The following CSMD1 variants were observed in gnomAD, a reference collection of about 807,000 sequenced individuals.
CSMD1 encodes CUB and Sushi multiple domains 1.
Under a neutral mutation model 417.5 loss-of-function variants are expected in CSMD1, and 213 were observed. The observed-to-expected ratio is 0.51, with a 90% CI of 0.46 to 0.57. CSMD1 has a LOEUF of 0.57. Among genes scored for constraint, CSMD1 ranks in the 20% least tolerant of loss-of-function variants. CSMD1 has a pLI of 0.00. For synonymous variants in CSMD1, 2,862 were observed against 1,736.8 expected, an observed-to-expected ratio of 1.65 and a Z score of -16.11; for missense variants, 6,923 against 4,529.7, an observed-to-expected ratio of 1.53 and a Z score of -15.17.
intron 11 of CSMD1, among the ~76,000 whole-genome samples, chr8:3,476,403 G>C (rs1051720753): frequency 6.6e-6 from 1 of 152,114 alleles, no homozygotes; most frequent in Non-Finnish European, 1.5e-5. Context: ...TATGAATAGA[G>C]TTACTATAAA....
chr8:4,149,195 C>G (rs1302489688), intron 3 of CSMD1, among the ~76,000 whole-genome samples: 5 of 152,106 alleles, frequency 3.3e-5, no homozygotes, highest in East Asian at 3.9e-4. Context: ...AACTCCTGAC[C>G]TCAGGTGATC....
chr8:3,128,704 C>G (rs1034858469), intron 41 of CSMD1: 6 of 354,518 alleles, frequency 1.7e-5, no homozygotes, highest in African/African-American at 1.3e-4. Context: ...AATAAAATAG[C>G]TCAAATTCAT....
At chr8:3,803,492 C>T (rs1800569235) in intron 5 of CSMD1, among the ~76,000 whole-genome samples, 1 of 152,118 alleles carries the variant, frequency 6.6e-6, no homozygotes, top group African/African-American at 2.4e-5. Flanking sequence ...GGCTGAATAA[C>T]AAGAAGAGCC....
chr8:3,691,362 G>A (rs1050890956), intron 7 of CSMD1, among the ~76,000 whole-genome samples: 7 of 149,930 alleles, frequency 4.7e-5, no homozygotes, highest in East Asian at 1.9e-4. Flanking sequence ...GCAAGACTCT[G>A]TCTCAAAAAA....
At chr8:3,980,625 T>C (rs1467982313) in intron 5 of CSMD1, among the ~76,000 whole-genome samples, 3 of 152,190 alleles carry the variant, frequency 2.0e-5, no homozygotes, top group Admixed American at 6.5e-5. Context: ...GATGCCTTAC[T>C]TTTTGCTTAT....
At chr8:4,754,176 A>T (rs1268379177) in intron 1 of CSMD1, among the ~76,000 whole-genome samples, 1 of 152,236 alleles carries the variant, frequency 6.6e-6, no homozygotes, top group African/African-American at 2.4e-5. Flanking sequence ...GCATGGGCTG[A>T]AACCTGTGCA....
At chr8:4,632,840 G>T (rs1374011078) in intron 2 of CSMD1, among the ~76,000 whole-genome samples, 1 of 152,190 alleles carries the variant, frequency 6.6e-6, no homozygotes, top group African/African-American at 2.4e-5. Flanking sequence ...ATACTATTCA[G>T]ACCGGTAGAG....
Position 3,167,490 on chromosome 8 carries a change from C to T in CSMD1, c.5726-5213G>A, listed in dbSNP as rs576049691. ...AACACTTAAACAAGAAAGAACAAAA[C>T]GCAGGCATTGGGAAAGGAGGTGGGT... On this transcript the variant is annotated intron_variant, in intron 37 of 69. Coordinates refer to ENST00000635120, the MANE Select transcript of CSMD1 (RefSeq NM_033225.6). Among the ~76,000 whole-genome samples, 18 of 152,198 alleles carry T rather than the reference C, an allele frequency of 1.2e-4. No homozygotes were observed. In the East Asian group the frequency reaches 1.9e-3, roughly 16 times the overall value.
intron 8 of CSMD1, among the ~76,000 whole-genome samples, chr8:3,591,827 G>T (rs767801343): frequency 6.6e-6 from 1 of 152,146 alleles, no homozygotes; most frequent in Non-Finnish European, 1.5e-5. Context: ...TGGATGGATA[G>T]ATGATAGGTA....
intron 1 of CSMD1, among the ~76,000 whole-genome samples, chr8:4,712,513 T>G (rs1322676256): frequency 6.6e-6 from 1 of 152,178 alleles, no homozygotes; most frequent in Non-Finnish European, 1.5e-5. Flanking sequence ...AAATTTCCCT[T>G]ATTTTCCTTA....
At chr8:4,284,095 T>G (rs1224578260) in intron 3 of CSMD1, among the ~76,000 whole-genome samples, 2 of 152,116 alleles carry the variant, frequency 1.3e-5, no homozygotes, top group Non-Finnish European at 2.9e-5. Context: ...TAGCTAGGCA[T>G]GGTGGCTCAC....
intron 1 of CSMD1, among the ~76,000 whole-genome samples, chr8:4,862,417 A>G (rs1472635688): frequency 6.6e-6 from 1 of 152,094 alleles, no homozygotes; most frequent in Admixed American, 6.5e-5. Context: ...TGTGAAGTAG[A>G]TGATGAACTC....
chr8:4,337,069 T>C (rs1800215523), intron 3 of CSMD1, among the ~76,000 whole-genome samples: 1 of 152,142 alleles, frequency 6.6e-6, no homozygotes, highest in South Asian at 2.1e-4. Context: ...TGCATCTGTT[T>C]CACTGTCCCA....
At chr8:4,233,361 T>C (rs1387709244) in intron 3 of CSMD1, among the ~76,000 whole-genome samples, 1 of 152,210 alleles carries the variant, frequency 6.6e-6, no homozygotes, top group Non-Finnish European at 1.5e-5. Flanking sequence ...ACATTAGTTT[T>C]TCTCAGTGAC....
chr8:3,138,009 G>C (rs113637897), intron 41 of CSMD1, among the ~76,000 whole-genome samples: 7,523 of 152,336 alleles, frequency 0.049, 479 homozygotes, highest in African/African-American at 0.15. Context: ...CAAATGACCT[G>C]AGGTCAGGAG....
rs536202109 is a variant in CSMD1 at position 4,449,176 on chromosome 8, G to T, written c.303-29111C>A. ...ATTTAGCAATATAGATCACTCAAAA[G>T]CAAGTACATTCTTCTACAATACAGT... On this transcript the variant is annotated intron_variant, in intron 2 of 69. Coordinates refer to ENST00000635120, the MANE Select transcript of CSMD1 (RefSeq NM_033225.6). Among the ~76,000 whole-genome samples, 5 of 152,186 alleles carry T rather than the reference G, an allele frequency of 3.3e-5. No individual in the cohort carries two copies. The South Asian group carries it at 6.2e-4, about 19-fold the overall frequency.
At chr8:4,081,242 G>C (rs1002676838) in intron 3 of CSMD1, among the ~76,000 whole-genome samples, 1 of 152,174 alleles carries the variant, frequency 6.6e-6, no homozygotes, top group Non-Finnish European at 1.5e-5. Context: ...TCTCAGACAA[G>C]CATTGTGGTA....
At chr8:3,231,185 C>T (rs763326467) in intron 26 of CSMD1, among the ~76,000 whole-genome samples, 5 of 152,194 alleles carry the variant, frequency 3.3e-5, no homozygotes, top group South Asian at 2.1e-4. Context: ...TATTATGTGT[C>T]GCACTGAAAA....
intron 8 of CSMD1, among the ~76,000 whole-genome samples, chr8:3,599,104 T>A (rs572192734): frequency 2.0e-5 from 3 of 151,110 alleles, no homozygotes; most frequent in African/African-American, 2.4e-5. Flanking sequence ...AAAGCTGACA[T>A]TGGATTGCAA....
Sources: gnomAD v4.1 joint callset for allele counts (sites outside exome capture counted in the v4.1 genomes callset) on GRCh38, gnomAD v4.1.1 for gene constraint, MANE v1.5 for transcripts, NCBI Gene and HGNC (gene_info 2026-07-23, HGNC 2026-07-21) for gene names.